EDN1: variants seen among roughly 807,000 people sequenced by gnomAD.
The protein encoded by EDN1 is endothelin-1.
Under a neutral mutation model 21.7 loss-of-function variants are expected in EDN1, and 11 were observed. The ratio of observed to expected loss-of-function variants is 0.51; its 90% CI spans 0.32 to 0.84. The LOEUF (loss-of-function observed/expected upper bound fraction) is 0.84. Among genes scored for constraint, EDN1 ranks in the 40% least tolerant of loss-of-function variants. The pLI is 0.03. For missense variants in EDN1, 244 were observed against 262.3 expected (o/e 0.93, Z 0.48); for synonymous variants, 85 against 90.6 (o/e 0.94, Z 0.35).
the EDN1 span, among the ~76,000 whole-genome samples, chr6:12,274,008 C>T: frequency 2.6e-5 from 4 of 152,266 alleles, no homozygotes; most frequent in South Asian, 2.1e-4. Context: ...TTGGCTTCCA[C>T]GTCATCTGGA....
chr6:12,232,200 T>C, the EDN1 span, among the ~76,000 whole-genome samples: 5 of 142,760 alleles, frequency 3.5e-5, no homozygotes, highest in East Asian at 6.9e-4. Flanking sequence ...ATATTTATAA[T>C]ATAATATAAT....
rs1279952954 is a variant in EDN1 at position 12,292,523 on chromosome 6, G to C, written c.233+14G>C. 1.2e-6 allele frequency: 2 copies of C among 1,614,062 alleles called. No individual in the cohort carries two copies. The highest frequency in any genetic ancestry group is 1.7e-6 in the Non-Finnish European group (2 of 1,180,010). The stretch of plus-strand genomic sequence containing the variant: ...CAACACTCCCGAGTAAGTCTCTAGA[G>C]GGCATTGTAACCCTAGTCATTCATT... On this transcript the variant is annotated intron_variant, in intron 2 of 4. Coordinates refer to ENST00000379375, the MANE Select transcript of EDN1 (RefSeq NM_001955.5).
upstream of EDN1, among the ~76,000 whole-genome samples, chr6:12,289,059 A>G (rs1251517017): frequency 6.6e-6 from 1 of 152,170 alleles, no homozygotes; most frequent in Non-Finnish European, 1.5e-5. Flanking sequence ...GAAAAAGCCA[A>G]TGTGTTCCAT....
chr6:12,272,991 G>A, the EDN1 span, among the ~76,000 whole-genome samples: 2 of 152,200 alleles, frequency 1.3e-5, no homozygotes, highest in Admixed American at 1.3e-4. Context: ...ATCTAATGGG[G>A]ATCTAGGCAG....
At chr6:12,261,144 G>A in the EDN1 span, among the ~76,000 whole-genome samples, 1 of 152,180 alleles carries the variant, frequency 6.6e-6, no homozygotes, top group African/African-American at 2.4e-5. Flanking sequence ...TTTGTGAGTC[G>A]TTAGTAGATT....
At chr6:12,289,737 C>T (rs1355729802), upstream of EDN1, among the ~76,000 whole-genome samples, 1 of 152,260 alleles carries the variant, frequency 6.6e-6, no homozygotes, top group East Asian at 1.9e-4. Context: ...TTTTAAGCTC[C>T]CTTTCTTGCC....
At chr6:12,237,283 C>A in the EDN1 span, among the ~76,000 whole-genome samples, 1 of 152,046 alleles carries the variant, frequency 6.6e-6, no homozygotes, top group East Asian at 1.9e-4. Context: ...TGTAATTAGG[C>A]CAGTATTTCT....
intron 1 of EDN1, among the ~76,000 whole-genome samples, chr6:12,291,755 T>C (rs1165267780): frequency 6.6e-6 from 1 of 152,196 alleles, no homozygotes; most frequent in Admixed American, 6.5e-5. Flanking sequence ...CCCTCCTGAA[T>C]TGAATATTGA....
chr6:12,287,759 C>T (rs937092094), upstream of EDN1, among the ~76,000 whole-genome samples: 1 of 150,448 alleles, frequency 6.6e-6, no homozygotes, highest in Non-Finnish European at 1.5e-5. Flanking sequence ...CACACAGGCG[C>T]GCGCGCGCGC....
chr6:12,274,956 T>G, the EDN1 span, among the ~76,000 whole-genome samples: 1 of 151,076 alleles, frequency 6.6e-6, no homozygotes, highest in Non-Finnish European at 1.5e-5. Flanking sequence ...CTTCCTTCCT[T>G]CCTTCCTTCC....
In EDN1 at chr6:12,295,362, C is replaced by G. The variant is rs984598530; in HGVS notation, c.534-600C>G. On this transcript the variant is annotated intron_variant, in intron 4 of 4. Transcript: ENST00000379375. ...TATTTATGGTCGCAGGCCAGTAATG[C>G]TCCCCACGAGATCAGTTTCTGAACT... Among the ~76,000 whole-genome samples, 3 of 152,098 alleles carry G rather than the reference C, an allele frequency of 2.0e-5. No individual in the cohort carries two copies. The East Asian group carries it at 5.8e-4, about 29-fold the overall frequency.
chr6:12,290,660 C>T lies in EDN1; in HGVS notation c.31C>T (p.Leu11=), dbSNP rs1390120105. 6.2e-7 allele frequency: 1 copy of T among 1,614,184 alleles called. No homozygotes were observed. Among genetic ancestry groups the T allele is most frequent in the South Asian group, 1.1e-5 (1 of 91,080 alleles). MDYLLMIFSL[L]FVACQGAPET... Reference sequence around the variant, plus strand: ...TTATTTGCTCATGATTTTCTCTCTGCTGTTTGTGGCTTGCCAAGGAGCTCC... The same window carrying T: ...TTATTTGCTCATGATTTTCTCTCTGTTGTTTGTGGCTTGCCAAGGAGCTCC... The change falls in exon 1 of 5, where the codon CTG becomes TTG. Residue 11 remains leucine, a synonymous_variant. Coordinates refer to ENST00000379375, the MANE Select transcript of EDN1 (RefSeq NM_001955.5).
the EDN1 span, among the ~76,000 whole-genome samples, chr6:12,242,848 A>C: frequency 6.6e-6 from 1 of 152,176 alleles, no homozygotes; most frequent in Non-Finnish European, 1.5e-5. Context: ...TATGATTCTC[A>C]TGAAGGCTGT....
At chr6:12,245,063 C>T in the EDN1 span, among the ~76,000 whole-genome samples, 2 of 152,156 alleles carry the variant, frequency 1.3e-5, no homozygotes, top group African/African-American at 2.4e-5. Flanking sequence ...GTAAAGAAGT[C>T]ACAAAATGTC....
At chr6:12,267,408 G>A in the EDN1 span, among the ~76,000 whole-genome samples, 16 of 152,274 alleles carry the variant, frequency 1.1e-4, no homozygotes, top group East Asian at 2.7e-3. Context: ...TGAATTATAA[G>A]AAAGCAAAAT....
At chr6:12,247,595 G>A in the EDN1 span, among the ~76,000 whole-genome samples, 6 of 133,844 alleles carry the variant, frequency 4.5e-5, no homozygotes, top group African/African-American at 2.9e-5. Flanking sequence ...CTGGAGTGCA[G>A]TGGCGTGATC....
chr6:12,283,342 T>G, the EDN1 span, among the ~76,000 whole-genome samples: 2 of 152,224 alleles, frequency 1.3e-5, no homozygotes, highest in Middle Eastern at 6.4e-3. Context: ...TATCCTTTTA[T>G]TCAATCTCTT....
the EDN1 span, among the ~76,000 whole-genome samples, chr6:12,279,089 T>C: frequency 6.6e-6 from 1 of 152,190 alleles, no homozygotes; most frequent in East Asian, 1.9e-4. Context: ...AAAATCACTG[T>C]AGTCATAAAA....
chr6:12,241,299 G>A, the EDN1 span, among the ~76,000 whole-genome samples: 3 of 151,768 alleles, frequency 2.0e-5, no homozygotes, highest in African/African-American at 7.3e-5. Context: ...CTGAGTAGCT[G>A]TTATTACAGG....
Sources: gnomAD v4.1 joint callset for allele counts (sites outside exome capture counted in the v4.1 genomes callset) on GRCh38, gnomAD v4.1.1 for gene constraint, MANE v1.5 for transcripts, NCBI Gene and HGNC (gene_info 2026-07-23, HGNC 2026-07-21) for gene names.